CTNNA3: variants seen among roughly 807,000 people sequenced by gnomAD.
CTNNA3 encodes the protein catenin alpha 3.
In CTNNA3, 76 loss-of-function variants were observed where a neutral mutation model predicts 95.7. The ratio of observed to expected loss-of-function variants is 0.79; its 90% CI spans 0.66 to 0.96. The LOEUF is 0.96. CTNNA3 is among the 40% of genes least tolerant of loss of function. The probability of loss-of-function intolerance (pLI) is 0.00; values close to 1 mark genes in which losing one functional copy is unlikely to be tolerated. For synonymous variants in CTNNA3, 431 were observed against 374.4 expected (o/e 1.15, Z -1.74); for missense variants, 1,191 against 1,089.8 (o/e 1.09, Z -1.31).
At chr10:66,746,784 A>T (rs1164661586) in intron 9 of CTNNA3, among the ~76,000 whole-genome samples, 1 of 152,138 alleles carries the variant, frequency 6.6e-6, no homozygotes, top group Admixed American at 6.5e-5. Flanking sequence ...TTTTTCTCCC[A>T]ATAAGAGTCA....
At chr10:66,604,869 C>G (rs1357091577) in intron 10 of CTNNA3, among the ~76,000 whole-genome samples, 2 of 151,356 alleles carry the variant, frequency 1.3e-5, no homozygotes, top group African/African-American at 4.9e-5. Flanking sequence ...ACAACCAACA[C>G]AAGAACTCCA....
chr10:66,152,179 T>C (rs138575885), intron 13 of CTNNA3, among the ~76,000 whole-genome samples: 2 of 152,042 alleles, frequency 1.3e-5, no homozygotes, highest in Non-Finnish European at 2.9e-5. Flanking sequence ...GACAGAAATA[T>C]TAAGACAGCA....
chr10:66,295,612 T>C (rs572987160), intron 12 of CTNNA3, among the ~76,000 whole-genome samples: 2 of 152,270 alleles, frequency 1.3e-5, no homozygotes, highest in South Asian at 2.1e-4. Flanking sequence ...CAGGACACCA[T>C]ACCAGGAAGA....
At chr10:65,925,513 T>G (rs933022644) in intron 17 of CTNNA3, among the ~76,000 whole-genome samples, 1 of 152,152 alleles carries the variant, frequency 6.6e-6, no homozygotes, top group Non-Finnish European at 1.5e-5. Context: ...CTCAGCTTAC[T>G]GCAACTTCCA....
chr10:67,055,159 G>A (rs1855346666), intron 7 of CTNNA3: 1 of 152,086 alleles, frequency 6.6e-6, no homozygotes, highest in Non-Finnish European at 1.5e-5. Flanking sequence ...ACGCATCTTT[G>A]AGACAGCTGC....
At chr10:66,652,760 A>G (rs1052430138) in intron 9 of CTNNA3, among the ~76,000 whole-genome samples, 3 of 152,154 alleles carry the variant, frequency 2.0e-5, no homozygotes, top group Non-Finnish European at 4.4e-5. Context: ...AGCAAACCAA[A>G]TTCATCAGTA....
intron 7 of CTNNA3, among the ~76,000 whole-genome samples, chr10:67,054,194 TAA>T (rs11334144): frequency 1.3e-5 from 2 of 150,836 alleles, no homozygotes; most frequent in African/African-American, 2.4e-5. Flanking sequence ...TCCTGGTTAT[TAA>T]AAAAAAAACT....
At chr10:66,180,954 ATAAAT>A (rs926671250) in intron 13 of CTNNA3, among the ~76,000 whole-genome samples, 29 of 152,236 alleles carry the variant, frequency 1.9e-4, no homozygotes, top group Admixed American at 1.5e-3. Context: ...AGTTGTGATC[ATAAAT>A]TAAAGACCAT....
chr10:66,692,750 T>A (rs1171357663), intron 9 of CTNNA3, among the ~76,000 whole-genome samples: 1 of 152,102 alleles, frequency 6.6e-6, no homozygotes, highest in East Asian at 1.9e-4. Context: ...ACCATCAGAC[T>A]AACAGCAGAT....
In CTNNA3 at chr10:66,280,593, A is replaced by T; in HGVS notation, c.1761T>A (p.Asn587Lys). 2 of 1,607,742 alleles carry T rather than the reference A, an allele frequency of 1.2e-6. No homozygotes were observed. Reference protein sequence around the residue: ...TVIPEFVTQVNVALEALSKSS... With the variant: ...TVIPEFVTQVKVALEALSKSS... Reference sequence around the variant, plus strand: ...TTTTGCTTAAGGCTTCCAAGGCAACATTCACTTGTGTTACAAATTCAGGAA... The same window carrying T: ...TTTTGCTTAAGGCTTCCAAGGCAACTTTCACTTGTGTTACAAATTCAGGAA... Residue 587 changes from asparagine (N) to lysine (K), a missense_variant, in exon 13 of 18, where the codon AAT (asparagine) becomes AAA (lysine). Asn to Lys is a moderately conservative substitution (Grantham distance 94, BLOSUM62 0). Coordinates refer to ENST00000433211, the MANE Select transcript of CTNNA3 (RefSeq NM_013266.4).
At chr10:66,741,994 C>A (rs1208584455) in intron 9 of CTNNA3, among the ~76,000 whole-genome samples, 1 of 152,146 alleles carries the variant, frequency 6.6e-6, no homozygotes, top group East Asian at 1.9e-4. Context: ...AATATGAAAT[C>A]TGGGCACCTT....
At chr10:67,249,525 T>A (rs1866026148) in intron 5 of CTNNA3, among the ~76,000 whole-genome samples, 1 of 152,056 alleles carries the variant, frequency 6.6e-6, no homozygotes, top group Admixed American at 6.6e-5. Context: ...CAAAATCAAT[T>A]TACTATAGGC....
At chr10:66,179,053 A>AT (rs1461316207) in intron 13 of CTNNA3, among the ~76,000 whole-genome samples, 1 of 151,988 alleles carries the variant, frequency 6.6e-6, no homozygotes, top group East Asian at 1.9e-4. Context: ...CTTTCTGGGA[A>AT]TTTATCCCAG....
At chr10:66,361,556 G>A (rs1053232417) in intron 12 of CTNNA3, among the ~76,000 whole-genome samples, 8 of 140,558 alleles carry the variant, frequency 5.7e-5, no homozygotes, top group African/African-American at 2.2e-4. Flanking sequence ...TTCTTTTTTA[G>A]AGATAGGGTC....
chr10:65,936,201 T>C (rs981632917), intron 17 of CTNNA3, among the ~76,000 whole-genome samples: 1 of 152,146 alleles, frequency 6.6e-6, no homozygotes, highest in Non-Finnish European at 1.5e-5. Context: ...AATTTAATAA[T>C]AGATAAATGT....
At chr10:66,802,584 A>G (rs930526862) in intron 7 of CTNNA3, among the ~76,000 whole-genome samples, 8 of 151,838 alleles carry the variant, frequency 5.3e-5, no homozygotes, top group African/African-American at 9.7e-5. Context: ...AGATTTGTCA[A>G]TTCTTACAGG....
At chr10:65,971,605 C>T (rs144945993) in intron 16 of CTNNA3, among the ~76,000 whole-genome samples, 38 of 151,846 alleles carry the variant, frequency 2.5e-4, no homozygotes, top group Admixed American at 2.4e-3. Context: ...ACACAATCCT[C>T]CAAGAATGAA....
chr10:66,468,896 A>G (rs1207398968), intron 11 of CTNNA3, among the ~76,000 whole-genome samples: 1 of 151,888 alleles, frequency 6.6e-6, no homozygotes, highest in Non-Finnish European at 1.5e-5. Flanking sequence ...ATCTACCACA[A>G]TTTAATCTTC....
At chr10:67,458,787 A>G (rs1232162733) in intron 5 of CTNNA3, among the ~76,000 whole-genome samples, 5 of 152,176 alleles carry the variant, frequency 3.3e-5, no homozygotes, top group Non-Finnish European at 7.4e-5. Flanking sequence ...TGAGAACAGC[A>G]TGGAGGAAAC....
Sources: gnomAD v4.1 joint callset for allele counts (sites outside exome capture counted in the v4.1 genomes callset) on GRCh38, gnomAD v4.1.1 for gene constraint, MANE v1.5 for transcripts, NCBI Gene and HGNC (gene_info 2026-07-23, HGNC 2026-07-21) for gene names.